Variants in BLZF1 observed in about 807,000 individuals in gnomAD.
BLZF1 encodes golgin-45.
BLZF1 carries 39 observed loss-of-function variants against 43.8 expected under a neutral mutation model. The observed-to-expected ratio is 0.89, with a 90% CI of 0.69 to 1.16. The LOEUF (loss-of-function observed/expected upper bound fraction) is 1.16, where lower values mean the gene tolerates loss of function less well. Ranked by LOEUF, BLZF1 falls within the 50% of genes most tolerant of loss-of-function variation. The probability of loss-of-function intolerance (pLI) is 0.00; values close to 1 mark genes in which losing one functional copy is unlikely to be tolerated. For synonymous variants in BLZF1, 136 were observed against 159.4 expected (o/e 0.85, Z 1.11); for missense variants, 449 against 469.8 (o/e 0.96, Z 0.41).
intron 2 of BLZF1, among the ~76,000 whole-genome samples, chr1:169,369,793 G>A (rs11800843): frequency 0.12 from 18,221 of 147,602 alleles, 1,163 homozygotes; most frequent in Admixed American, 0.14. Context: ...TTAATGCAAA[G>A]TTTTTAACAG....
At chr1:169,388,907 G>A (rs1027160539), downstream of BLZF1, among the ~76,000 whole-genome samples, 1 of 152,014 alleles carries the variant, frequency 6.6e-6, no homozygotes, top group Non-Finnish European at 1.5e-5. Context: ...GGTCACCTGA[G>A]GTTAGGAGTT....
intron 4 of BLZF1, 50 bp from the exon 5 acceptor site, chr1:169,380,431 C>G (rs1654487117): frequency 3.3e-6 from 5 of 1,519,680 alleles, no homozygotes; most frequent in Non-Finnish European, 4.5e-6. Context: ...CAATTTTTTA[C>G]ACTGTATTAT....
intron 2 of BLZF1, among the ~76,000 whole-genome samples, chr1:169,370,295 C>T (rs1036864021): frequency 2.6e-5 from 4 of 152,300 alleles, no homozygotes; most frequent in African/African-American, 9.6e-5. Context: ...AATGAAGTCT[C>T]ATTCTGAGGT....
At chr1:169,386,620 A>G (rs558392678) in intron 6 of BLZF1, among the ~76,000 whole-genome samples, 5 of 149,596 alleles carry the variant, frequency 3.3e-5, no homozygotes, top group African/African-American at 9.8e-5. Flanking sequence ...CAGAGCTTTC[A>G]GTGAGCCGAG....
At chr1:169,378,632 A>G (rs1654438482) in intron 4 of BLZF1, 103 bp downstream of exon 4, 1 of 1,103,762 alleles carries the variant, frequency 9.1e-7, no homozygotes, top group South Asian at 1.5e-5. Flanking sequence ...ATTTCTGACT[A>G]AGGTCATCAG....
At chr1:169,374,273 T>G (rs10919154) in intron 2 of BLZF1, among the ~76,000 whole-genome samples, 80,966 of 151,440 alleles carry the variant, frequency 0.53, 22,444 homozygotes, top group Non-Finnish European at 0.6. Flanking sequence ...TGTAGTCCCA[T>G]CTACTTGGGA....
intron 6 of BLZF1, among the ~76,000 whole-genome samples, chr1:169,383,051 A>G (rs995141544): frequency 6.6e-6 from 1 of 152,184 alleles, no homozygotes; most frequent in African/African-American, 2.4e-5. Flanking sequence ...GACTCTATTC[A>G]TAAGTGCCTT....
intron 1 of BLZF1, among the ~76,000 whole-genome samples, chr1:169,369,033 T>C (rs2102001604): frequency 6.6e-6 from 1 of 152,334 alleles, no homozygotes; most frequent in Middle Eastern, 3.4e-3. Context: ...TCTTGAGTAA[T>C]ATTTTTTGTC....
chr1:169,375,254 C>T (rs930431246), intron 2 of BLZF1, among the ~76,000 whole-genome samples: 3 of 149,828 alleles, frequency 2.0e-5, no homozygotes, highest in Non-Finnish European at 4.4e-5. Flanking sequence ...GTTAAGCTTA[C>T]GAAATTTATT....
chr1:169,377,150 A>G (rs1416008070), intron 3 of BLZF1, 171 bp downstream of exon 3: 1 of 639,406 alleles, frequency 1.6e-6, no homozygotes, highest in African/African-American at 1.9e-5. Context: ...CTCTAGGGAT[A>G]CTTTATATTG....
chr1:169,387,227 A>C lies in BLZF1; in HGVS notation c.*45A>C. On this transcript the variant is annotated 3_prime_UTR_variant, in exon 7 of 7. Transcript: ENST00000367808. ...ATGCTAAGGTACTTCCTTATTACCCAAGAGTCATTATTATTTGGGAGCTGG... is the reference window on the plus strand; with the variant it reads ...ATGCTAAGGTACTTCCTTATTACCCCAGAGTCATTATTATTTGGGAGCTGG... 1 of 1,540,150 alleles carries C rather than the reference A, an allele frequency of 6.5e-7. No individual in the cohort carries two copies.
chr1:169,393,478 T>A (rs2102027024), intron 7 of BLZF1, among the ~76,000 whole-genome samples: 1 of 151,092 alleles, frequency 6.6e-6, no homozygotes, highest in Non-Finnish European at 1.5e-5. Context: ...TAATCCCAGC[T>A]ACTCAGCAGG....
intron 7 of BLZF1, among the ~76,000 whole-genome samples, chr1:169,394,362 G>A (rs1338892434): frequency 1.3e-5 from 2 of 152,166 alleles, no homozygotes; most frequent in Non-Finnish European, 2.9e-5. Context: ...GGATACATAT[G>A]TGCGTTAGTT....
chr1:169,372,341 G>C (rs1267908907), intron 2 of BLZF1, among the ~76,000 whole-genome samples: 1 of 151,988 alleles, frequency 6.6e-6, no homozygotes, highest in Non-Finnish European at 1.5e-5. Context: ...ATTTAGGGTA[G>C]AGGAAAAAAA....
downstream of BLZF1, among the ~76,000 whole-genome samples, chr1:169,390,835 G>A (rs1292564904): frequency 6.6e-6 from 1 of 152,110 alleles, no homozygotes; most frequent in Non-Finnish European, 1.5e-5. Context: ...AAAAACTTTT[G>A]CTCAAAAAGA....
intron 2 of BLZF1, among the ~76,000 whole-genome samples, chr1:169,375,912 G>T (rs1171148301): frequency 6.6e-6 from 1 of 151,820 alleles, no homozygotes; most frequent in Admixed American, 6.6e-5. Context: ...AAAGAATTTG[G>T]GTATGATATG....
At position 169,387,149 on chromosome 1, in the gene BLZF1, C is replaced by T. The variant is rs1174103440; in HGVS notation, c.1170C>T (p.Cys390=). 1.2e-6 allele frequency: 2 copies of T among 1,613,266 alleles called. No homozygotes were observed. Among genetic ancestry groups the T allele is most frequent in the African/African-American group, 1.3e-5 (1 of 74,950 alleles). Residue 390 remains cysteine (C), a synonymous_variant, in exon 7 of 7, where the codon TGC becomes TGT. Transcript: ENST00000367808. ...TRYENITFNC[C]NHCRGELIAL ...ATGAAAATATAACTTTCAATTGCTG[C>T]AATCACTGCCGGGGAGAACTGATTG...
intron 2 of BLZF1, among the ~76,000 whole-genome samples, chr1:169,371,691 T>C (rs918214181): frequency 1.3e-5 from 2 of 152,218 alleles, no homozygotes; most frequent in Non-Finnish European, 1.5e-5. Context: ...CTGCTAGTGC[T>C]GTTTCTGAAA....
rs148163554 is a variant in BLZF1, at chr1:169,387,089, G to T, written c.1110G>T (p.Lys370Asn). 3 of 1,613,438 alleles carry T rather than the reference G, an allele frequency of 1.9e-6. No homozygotes were observed. The highest frequency in any genetic ancestry group is 1.7e-5 in the Admixed American group (1 of 59,914). Reference protein sequence around the residue: ...ESSPTTLLATKKNIGRFHPYT... With the variant: ...ESSPTTLLATNKNIGRFHPYT... ...CACCAACCACCTTACTTGCTACAAA[G>T]AAAAATATTGGACGATTTCATCCCT... Residue 370 changes from lysine (K) to asparagine (N), a missense_variant, in exon 7 of 7, where the codon AAG becomes AAT. Physicochemically the swap from Lys to Asn is moderately conservative, Grantham distance 94 (BLOSUM62 0). Coordinates refer to ENST00000367808, the MANE Select transcript of BLZF1 (RefSeq NM_001320973.2).
Sources: gnomAD v4.1 joint callset for allele counts (sites outside exome capture counted in the v4.1 genomes callset) on GRCh38, gnomAD v4.1.1 for gene constraint, MANE v1.5 for transcripts, NCBI Gene and HGNC (gene_info 2026-07-23, HGNC 2026-07-21) for gene names.